Variants in MLF1 observed in about 807,000 individuals in gnomAD.
MLF1 encodes the protein myeloid leukemia factor 1, also known as myelodysplasia-myeloid leukemia factor 1.
Under a neutral mutation model 38.3 loss-of-function variants are expected in MLF1, and 37 were observed. The ratio of observed to expected loss-of-function variants is 0.96; its 90% confidence interval spans 0.74 to 1.27. MLF1 has a LOEUF of 1.27. Among genes scored for constraint, MLF1 ranks in the 50% most tolerant of loss-of-function variants. The pLI is 0.00. For synonymous variants in MLF1, 95 were observed against 106.5 expected (o/e 0.89, Z 0.66); for missense variants, 331 against 349.2 (o/e 0.95, Z 0.42).
intron 3 of MLF1, among the ~76,000 whole-genome samples, chr3:158,594,999 T>G (rs1160154279): frequency 1.3e-5 from 2 of 152,200 alleles, no homozygotes; most frequent in Non-Finnish European, 2.9e-5. Context: ...AAATATTTAT[T>G]AAACCCTCTT....
intron 1 of MLF1, among the ~76,000 whole-genome samples, chr3:158,578,842 A>G (rs1715883316): frequency 6.6e-6 from 1 of 152,170 alleles, no homozygotes; most frequent in Non-Finnish European, 1.5e-5. Flanking sequence ...TAGCAGAAAT[A>G]ATACAACCCA....
chr3:158,584,831 G>T (rs1011997360), intron 1 of MLF1, among the ~76,000 whole-genome samples: 3 of 151,724 alleles, frequency 2.0e-5, no homozygotes, highest in Non-Finnish European at 4.4e-5. Context: ...TAATACTAGT[G>T]ATAGCTAATG....
chr3:158,593,403 C>G lies in MLF1; in HGVS notation c.217C>G (p.Pro73Ala). ...SLTATSCSLV[P>A]FGDFGGMHTD... ...CCAGGCAACGAGTTGTTCTCTTGTG[C>G]CTTTTGGCGATTTTGGTGGTATGGT... The change falls in exon 3 of 8, where the codon CCT becomes GCT. Residue 73 changes from proline to alanine, a missense_variant. By Grantham distance (27) the Pro-to-Ala change is conservative. Transcript: ENST00000466246. 1 of 1,560,674 alleles carries G rather than the reference C, an allele frequency of 6.4e-7. No homozygotes were observed. Among genetic ancestry groups the G allele is most frequent in the Non-Finnish European group, 8.6e-7 (1 of 1,159,520 alleles).
chr3:158,600,791 G>T (rs1230423645), intron 6 of MLF1, among the ~76,000 whole-genome samples: 1 of 151,418 alleles, frequency 6.6e-6, no homozygotes, highest in South Asian at 2.1e-4. Context: ...GTATAGACAA[G>T]ATTTTAATTT....
At chr3:158,572,738 G>A (rs1714717581) in intron 1 of MLF1, among the ~76,000 whole-genome samples, 2 of 140,262 alleles carry the variant, frequency 1.4e-5, no homozygotes, top group Non-Finnish European at 3.1e-5. Flanking sequence ...TAGGAGGGTT[G>A]AGGGTGTGAG....
At chr3:158,597,034 AG>A in intron 4 of MLF1, 89 bp downstream of exon 4, 5 of 748,662 alleles carry the variant, frequency 6.7e-6, no homozygotes, top group Middle Eastern at 3.4e-4. Flanking sequence ...TTTTAACCAT[AG>A]TGGTTAAAAA....
Position 158,605,285 on chromosome 3 carries a change from T to G in MLF1, c.*83T>G. On this transcript the variant is annotated 3_prime_UTR_variant, in exon 8 of 8. Coordinates refer to ENST00000466246, the MANE Select transcript of MLF1 (RefSeq NM_001369783.1). The stretch of plus-strand genomic sequence containing the variant: ...GGGTAATAAGCATAAGACCAATCTC[T>G]TGCTGTTAAATCAGTTCTGTCCTTG... The G allele has an allele frequency of 4.6e-4, 477 of 1,038,808 alleles. No homozygotes were observed. Among genetic ancestry groups the G allele is most frequent in the Non-Finnish European group, 5.9e-4 (414 of 707,502 alleles). The allele number at this position is 1,038,808 out of a possible 1,614,324, so 64.3% of individuals were successfully genotyped here. A position where few individuals can be genotyped will look rare whatever the true frequency, so the allele number is the denominator to read the frequency against.
intron 1 of MLF1, among the ~76,000 whole-genome samples, chr3:158,584,885 A>G (rs553997851): frequency 6.6e-6 from 1 of 151,854 alleles, no homozygotes; most frequent in East Asian, 1.9e-4. Flanking sequence ...AAAAAATACA[A>G]AAATTAGCCA....
intron 7 of MLF1, 66 bp from the exon 8 acceptor site, chr3:158,605,031 T>G: frequency 8.8e-7 from 1 of 1,135,342 alleles, no homozygotes; most frequent in Non-Finnish European, 1.3e-6. Flanking sequence ...TTAACATGTT[T>G]GTATTGATTT....
intron 6 of MLF1, among the ~76,000 whole-genome samples, chr3:158,602,590 C>T (rs565815590): frequency 6.6e-6 from 1 of 152,158 alleles, no homozygotes; most frequent in South Asian, 2.1e-4. Flanking sequence ...AAAAATAGAT[C>T]ATCAATAACT....
chr3:158,575,945 ACTT>A (rs1403110750), intron 1 of MLF1, among the ~76,000 whole-genome samples: 1 of 152,182 alleles, frequency 6.6e-6, no homozygotes, highest in African/African-American at 2.4e-5. Flanking sequence ...AAAAATGTAT[ACTT>A]CTTTGATATA....
chr3:158,603,675 T>C (rs181934137), intron 7 of MLF1, among the ~76,000 whole-genome samples: 42 of 152,074 alleles, frequency 2.8e-4, no homozygotes, highest in African/African-American at 9.4e-4. Context: ...CCGTCTCTAC[T>C]AAAAATACAA....
intron 1 of MLF1, among the ~76,000 whole-genome samples, chr3:158,575,105 A>G (rs1233010236): frequency 6.6e-6 from 1 of 152,208 alleles, no homozygotes; most frequent in Non-Finnish European, 1.5e-5. Context: ...GTAAGCATAC[A>G]GAAGAACTCT....
intron 7 of MLF1, 61 bp from the exon 8 acceptor site, chr3:158,605,036 T>C (rs1720339211): frequency 8.4e-7 from 1 of 1,189,776 alleles, no homozygotes; most frequent in Admixed American, 2.2e-5. Context: ...ATGTTTGTAT[T>C]GATTTATAAA....
Position 158,593,413 on chromosome 3 carries a change from AT to A in MLF1, c.231del (p.Phe77LeufsTer21), listed in dbSNP as rs1242152650. The A allele has an allele frequency of 5.8e-6, 9 of 1,562,448 alleles. No homozygotes were observed. The highest frequency in any genetic ancestry group is 1.2e-5 in the South Asian group (1 of 85,328). ...AGTTGTTCTCTTGTGCCTTTTGGCGATTTTGGTGGTATGGTTCGTATCTTAA... is the reference window on the plus strand; with the variant it reads ...AGTTGTTCTCTTGTGCCTTTTGGCGATTTGGTGGTATGGTTCGTATCTTAA... ...ATSCSLVPFGDFGGMHTDVSS... is the reference protein window; with the variant it reads ...ATSCSLVPFGXFGGMHTDVSS... On this transcript the variant is annotated frameshift_variant, in exon 3 of 8. Transcript: ENST00000466246. LOFTEE classifies it high-confidence loss of function.
chr3:158,588,620 A>AGC lies in MLF1; in HGVS notation c.48-3814_48-3813insGC, dbSNP rs1295860822. Among the ~76,000 whole-genome samples the AGC allele has an allele frequency of 3.2e-4, 33 of 103,196 alleles. 1 individual carries two copies. Among genetic ancestry groups the AGC allele is most frequent in the Admixed American group, 7.4e-4 (8 of 10,808 alleles). The allele number at this position is 103,196 out of a possible 152,430, so 67.7% of individuals were successfully genotyped here. On this transcript the variant is annotated intron_variant, in intron 1 of 7. Transcript: ENST00000466246. Reference sequence around the variant, plus strand: ...CGTCTCAAAAAAAAAAAAAAAAAAAAAAAAGCAGAAAAAAACTGCCCTCAT... The same window carrying AGC: ...CGTCTCAAAAAAAAAAAAAAAAAAAAGCAAAAGCAGAAAAAAACTGCCCTCAT...
In MLF1 at chr3:158,591,224, A is replaced by G; in HGVS notation, c.48-1210A>G. The G allele has an allele frequency of 1.9e-5, 8 of 429,784 alleles. 1 individual carries two copies. The highest frequency in any genetic ancestry group is 1.3e-4 in the South Asian group (8 of 59,890). 26.6% of individuals were successfully genotyped at this position (429,784 alleles called of 1,614,324 possible). A position where few individuals can be genotyped will look rare whatever the true frequency, so the allele number is the denominator to read the frequency against. On this transcript the variant is annotated intron_variant, in intron 1 of 7. Coordinates refer to ENST00000466246, the MANE Select transcript of MLF1 (RefSeq NM_001369783.1). ...ACCCCGTCTGGAGTGCAATGGTGCA[A>G]TCTTGGCTCACTGCAACTTCTGCCT... is the stretch of plus-strand genomic sequence containing the variant.
chr3:158,600,266 G>A, intron 6 of MLF1, 93 bp downstream of exon 6: 2 of 707,688 alleles, frequency 2.8e-6, no homozygotes, highest in Non-Finnish European at 4.0e-6. Context: ...GTCATAAGAT[G>A]TAGTTTTTGA....
In MLF1 at chr3:158,571,338, CCTT is replaced by C. The variant is rs771793543; in HGVS notation, c.44_46del (p.Phe15del). ...CTGAACAGCAGTTTTGAGGATGACCCCTTCTTCTCGTGAGTTACGGGAGCCAGG... is the reference window on the plus strand; with the variant it reads ...CTGAACAGCAGTTTTGAGGATGACCCCTTCTCGTGAGTTACGGGAGCCAGG... On this transcript the variant is annotated inframe_deletion, in exon 1 of 8. Transcript: ENST00000466246. The C allele has an allele frequency of 1.2e-5, 19 of 1,613,054 alleles. No individual in the cohort carries two copies. Among genetic ancestry groups the C allele is most frequent in the East Asian group, 4.5e-5 (2 of 44,848 alleles).
Sources: gnomAD v4.1 joint callset for allele counts (sites outside exome capture counted in the v4.1 genomes callset) on GRCh38, gnomAD v4.1.1 for gene constraint, MANE v1.5 for transcripts, NCBI Gene and HGNC (gene_info 2026-07-23, HGNC 2026-07-21) for gene names.